ELP3: variants seen among roughly 807,000 people sequenced by gnomAD.
ELP3 encodes elongator acetyltransferase complex subunit 3, also known as elongator complex protein 3.
A neutral mutation model predicts 74.9 loss-of-function variants in ELP3; 56 were observed. The ratio of observed to expected loss-of-function variants is 0.75; its 90% CI spans 0.60 to 0.93. The LOEUF is 0.93. Ranked by LOEUF, ELP3 falls within the 40% of genes least tolerant of loss-of-function variation. The pLI, the probability that ELP3 is intolerant of heterozygous loss-of-function variation, is 0.00. For synonymous variants in ELP3, 222 were observed against 239.8 expected, an observed-to-expected ratio of 0.93 and a Z score of 0.68; for missense variants, 573 against 686.5, an observed-to-expected ratio of 0.83 and a Z score of 1.85.
intron 14 of ELP3, among the ~76,000 whole-genome samples, chr8:28,175,202 A>G (rs1585748514): frequency 6.6e-6 from 1 of 152,176 alleles, no homozygotes. Context: ...GGAAGTATTC[A>G]GCCATTTCTT....
chr8:28,104,761 G>A (rs149264053), intron 3 of ELP3, among the ~76,000 whole-genome samples: 1 of 152,186 alleles, frequency 6.6e-6, no homozygotes, highest in South Asian at 2.1e-4. Context: ...TATCACTGAT[G>A]TTCCTCATTT....
chr8:28,100,511 A>G (rs914105742), intron 3 of ELP3, among the ~76,000 whole-genome samples: 9 of 152,246 alleles, frequency 5.9e-5, no homozygotes, highest in Admixed American at 1.3e-4. Context: ...AATGACAGGA[A>G]GGGCGTGGTG....
chr8:28,098,055 A>G (rs548277799), intron 2 of ELP3, among the ~76,000 whole-genome samples: 112 of 152,214 alleles, frequency 7.4e-4, no homozygotes, highest in African/African-American at 2.6e-3. Flanking sequence ...TCTGTCAGGA[A>G]AACCCTCCCT....
At chr8:28,181,021 C>A (rs370063619) in intron 14 of ELP3, among the ~76,000 whole-genome samples, 1 of 152,138 alleles carries the variant, frequency 6.6e-6, no homozygotes, top group Non-Finnish European at 1.5e-5. Flanking sequence ...TGCCCCCACG[C>A]CCCCAGTATC....
intron 10 of ELP3, among the ~76,000 whole-genome samples, chr8:28,153,333 A>C (rs1813709799): frequency 6.6e-6 from 1 of 152,166 alleles, no homozygotes; most frequent in Admixed American, 6.5e-5. Flanking sequence ...TTTTTAGTTA[A>C]TGTTTTACCT....
chr8:28,138,451 A>G (rs1332388072), intron 10 of ELP3, among the ~76,000 whole-genome samples: 1 of 152,236 alleles, frequency 6.6e-6, no homozygotes, highest in Non-Finnish European at 1.5e-5. Context: ...ACTTACATAC[A>G]TACATACATA....
Position 28,097,253 on chromosome 8 carries a change from T to C in ELP3, c.54T>C (p.Thr18=), listed in dbSNP as rs749653454. The C allele has an allele frequency of 3.7e-6, 6 of 1,613,870 alleles. No homozygotes were observed. Among genetic ancestry groups the C allele is most frequent in the Non-Finnish European group, 5.1e-6 (6 of 1,179,952 alleles). The change falls in exon 2 of 15, where the codon ACT becomes ACC. Residue 18 remains threonine (T), a synonymous_variant. Transcript: ENST00000256398. Reference sequence around the variant, plus strand: ...GCCCTGCTGAGCTGATGATGCTGACTATAGGAGATGTTATTAAACAACTGA... The same window carrying C: ...GCCCTGCTGAGCTGATGATGCTGACCATAGGAGATGTTATTAAACAACTGA... The part of the protein sequence containing the change: ...DLSPAELMML[T]IGDVIKQLIE...
chr8:28,176,878 T>C (rs1240478834), intron 14 of ELP3, among the ~76,000 whole-genome samples: 1 of 152,208 alleles, frequency 6.6e-6, no homozygotes. Flanking sequence ...CCTCTATTTT[T>C]GAATCAGTTG....
At chr8:28,186,821 C>T (rs1177965833) in intron 14 of ELP3, among the ~76,000 whole-genome samples, 1 of 152,194 alleles carries the variant, frequency 6.6e-6, no homozygotes, top group Admixed American at 6.5e-5. Flanking sequence ...GGGCAGAGCC[C>T]TCACACTCTA....
At chr8:28,090,904 CTTTTTTTTTTT>C (rs71222535), upstream of ELP3, among the ~76,000 whole-genome samples, 1 of 77,394 alleles carries the variant, frequency 1.3e-5, no homozygotes, top group Non-Finnish European at 2.9e-5. Flanking sequence ...TAAATGTTTC[CTTTTTTTTTTT>C]TTTTTTTTTG....
intron 14 of ELP3, among the ~76,000 whole-genome samples, chr8:28,166,511 G>A (rs375744641): frequency 1.9e-4 from 29 of 152,236 alleles, no homozygotes; most frequent in Admixed American, 6.5e-4. Context: ...ATCAACACAC[G>A]TCTGTTCAAG....
At chr8:28,171,446 CTT>C (rs1304332666) in intron 14 of ELP3, among the ~76,000 whole-genome samples, 1 of 151,708 alleles carries the variant, frequency 6.6e-6, no homozygotes, top group African/African-American at 2.4e-5. Flanking sequence ...TGTTGAATGT[CTT>C]TGTCATTTTT....
chr8:28,150,266 A>C (rs1207446585), intron 10 of ELP3, among the ~76,000 whole-genome samples: 1 of 152,208 alleles, frequency 6.6e-6, no homozygotes, highest in Non-Finnish European at 1.5e-5. Context: ...AAAATAAGAA[A>C]AAGGAAAGGT....
intron 1 of ELP3, among the ~76,000 whole-genome samples, chr8:28,094,141 A>G (rs1000365450): frequency 1.3e-5 from 2 of 152,184 alleles, no homozygotes; most frequent in African/African-American, 4.8e-5. Flanking sequence ...GCATGCCCTA[A>G]ATTAATTTGT....
chr8:28,129,677 A>G lies in ELP3; in HGVS notation c.779+14A>G. ...AGACACCAACAGGTAAGATGGTGGC[A>G]GGTGATCTTGCACAAGTCTTCCTCC... On this transcript the variant is annotated intron_variant, in intron 8 of 14. Coordinates refer to ENST00000256398, the MANE Select transcript of ELP3 (RefSeq NM_018091.6). 4 of 1,613,522 alleles carry G rather than the reference A, an allele frequency of 2.5e-6. No homozygotes were observed. Among genetic ancestry groups the G allele is most frequent in the Non-Finnish European group, 3.4e-6 (4 of 1,179,472 alleles).
At chr8:28,178,902 C>G (rs191626130) in intron 14 of ELP3, among the ~76,000 whole-genome samples, 2 of 152,188 alleles carry the variant, frequency 1.3e-5, no homozygotes, top group Non-Finnish European at 2.9e-5. Context: ...GATCCTCTTT[C>G]TGAAGTTGCT....
At chr8:28,184,113 G>A (rs1048803608) in intron 14 of ELP3, among the ~76,000 whole-genome samples, 3 of 152,212 alleles carry the variant, frequency 2.0e-5, no homozygotes, top group Non-Finnish European at 4.4e-5. Flanking sequence ...AAGTGCAGGG[G>A]TAATGCCTTT....
intron 11 of ELP3, 74 bp downstream of exon 11, chr8:28,156,106 C>T: frequency 8.3e-7 from 1 of 1,208,080 alleles, no homozygotes. Context: ...GACTTTGCCA[C>T]TACCACCCCT....
intron 14 of ELP3, among the ~76,000 whole-genome samples, chr8:28,169,939 G>GTGAC (rs142214150): frequency 4.6e-5 from 7 of 152,282 alleles, no homozygotes; most frequent in African/African-American, 1.7e-4. Flanking sequence ...GTCACATGAT[G>GTGAC]TGACAGCTTG....
Sources: gnomAD v4.1 joint callset for allele counts (sites outside exome capture counted in the v4.1 genomes callset) on GRCh38, gnomAD v4.1.1 for gene constraint, MANE v1.5 for transcripts, NCBI Gene and HGNC (gene_info 2026-07-23, HGNC 2026-07-21) for gene names.